Variants in DTNBP1 observed in about 807,000 individuals in gnomAD.
DTNBP1 encodes dysbindin.
Under a neutral mutation model 42.8 loss-of-function variants are expected in DTNBP1, and 35 were observed. The observed-to-expected ratio is 0.82, with a 90% CI of 0.63 to 1.09. The LOEUF is 1.09. DTNBP1 is among the 50% of genes least tolerant of loss of function. The pLI, the probability that DTNBP1 is intolerant of heterozygous loss-of-function variation, is 0.00. For synonymous variants in DTNBP1, 171 were observed against 162.2 expected (o/e 1.05, Z -0.41); for missense variants, 457 against 424.2 (o/e 1.08, Z -0.68).
rs541173885 is a variant in DTNBP1 at position 15,587,242 on chromosome 6, T to C, written c.511+5817A>G. On this transcript the variant is annotated intron_variant, in intron 7 of 9. Coordinates refer to ENST00000344537, the MANE Select transcript of DTNBP1 (RefSeq NM_032122.5). This position sits in a 1 kb window ranked among gnomAD's most constrained non-coding sequence, Gnocchi z 4.1. ...AAACAACAAAACTGCTTAGAAAAAC[T>C]GAAGATGGCTTAAACAAACATGGAT... Among the ~76,000 whole-genome samples, 1 of 152,312 alleles carries C rather than the reference T, an allele frequency of 6.6e-6. No individual in the cohort carries two copies. The highest frequency in any genetic ancestry group is 2.1e-4 in the South Asian group (1 of 4,828).
At chr6:15,597,243 G>C (rs1007771832) in intron 6 of DTNBP1, among the ~76,000 whole-genome samples, 3 of 152,152 alleles carry the variant, frequency 2.0e-5, no homozygotes, top group African/African-American at 7.2e-5. Context: ...ACATGCTGAG[G>C]ATTCTCTAGG....
At position 15,615,354 on chromosome 6, in the gene DTNBP1, T is replaced by A. The variant is rs985882739; in HGVS notation, c.401A>T (p.His134Leu). 7.4e-6 allele frequency: 12 copies of A among 1,614,032 alleles called. No individual in the cohort carries two copies. Among genetic ancestry groups the A allele is most frequent in the African/African-American group, 2.7e-5 (2 of 74,920 alleles). The change falls in exon 6 of 10, where the codon CAT becomes CTT. Residue 134 changes from histidine (H) to leucine (L), a missense_variant. Transcript: ENST00000344537. ...SFEEVENNLL[H>L]LEDLCGQCEL... ...ACACTGCCCACATAAGTCTTCCAGA[T>A]GCAGCAGGTTGTTCTCTACCTCCTC... is the stretch of plus-strand genomic sequence containing the variant.
At chr6:15,554,940 G>C (rs945005493) in intron 7 of DTNBP1, among the ~76,000 whole-genome samples, 2 of 152,024 alleles carry the variant, frequency 1.3e-5, no homozygotes. Context: ...GAGAAGCAGT[G>C]TCTGGTGGTT....
chr6:15,566,292 G>A (rs1182309834), intron 7 of DTNBP1, among the ~76,000 whole-genome samples: 2 of 146,078 alleles, frequency 1.4e-5, no homozygotes, highest in Non-Finnish European at 3.0e-5. Flanking sequence ...TCCAGCCTGG[G>A]CGACAGAGCG....
intron 5 of DTNBP1, 121 bp downstream of exon 5, chr6:15,627,222 T>G (rs1759397743): frequency 1.5e-6 from 2 of 1,300,612 alleles, no homozygotes; most frequent in African/African-American, 1.5e-5. Flanking sequence ...ATCATGATTT[T>G]CCAAAAAATC....
In DTNBP1 at chr6:15,627,472, C is replaced by CA; in HGVS notation, c.225_226insT (p.Val76CysfsTer3). The CA allele has an allele frequency of 2.5e-6, 4 of 1,613,860 alleles. No individual in the cohort carries two copies. Among genetic ancestry groups the CA allele is most frequent in the Non-Finnish European group, 2.5e-6 (3 of 1,179,920 alleles). On this transcript the variant is annotated frameshift_variant, in exon 5 of 10. Transcript: ENST00000344537. LOFTEE classifies it high-confidence loss of function. ...GAAAGCATGACCACCTCGCTATCCACCAGCTGCAGCACACAAGAAGGGGGG... is the reference window on the plus strand; with the variant it reads ...GAAAGCATGACCACCTCGCTATCCACACAGCTGCAGCACACAAGAAGGGGGG...
At chr6:15,523,613 A>C (rs1772097250) in intron 9 of DTNBP1, 1 of 1,288,056 alleles carries the variant, frequency 7.8e-7, no homozygotes, top group Admixed American at 2.3e-5. Flanking sequence ...ACTGCTGAGA[A>C]AGTCGGAATT....
chr6:15,615,214 T>C, intron 6 of DTNBP1, 53 bp downstream of exon 6: 2 of 1,612,580 alleles, frequency 1.2e-6, no homozygotes, highest in South Asian at 1.1e-5. Flanking sequence ...TGTAAAGTAA[T>C]ATGGAAAACT....
At chr6:15,646,937 C>A (rs188456955) in intron 3 of DTNBP1, among the ~76,000 whole-genome samples, 4 of 151,916 alleles carry the variant, frequency 2.6e-5, no homozygotes, top group African/African-American at 9.6e-5. Context: ...GAAAAAAACC[C>A]TTTTGGGCAC....
In DTNBP1 at chr6:15,646,796, G is replaced by A. The variant is rs567566140; in HGVS notation, c.161+4517C>T. On this transcript the variant is annotated intron_variant, in intron 3 of 9. Coordinates refer to ENST00000344537, the MANE Select transcript of DTNBP1 (RefSeq NM_032122.5). ...GGACACCCTATTCAATAAATGGTGC[G>A]AGGAAAACTGGCTAGCCATTTATGG... Among the ~76,000 whole-genome samples, 3 of 151,934 alleles carry A rather than the reference G, an allele frequency of 2.0e-5. No homozygotes were observed. The South Asian group carries it at 6.2e-4, about 32-fold the overall frequency.
chr6:15,613,817 T>C lies in DTNBP1; in HGVS notation c.488+1450A>G, dbSNP rs538455796. 2.0e-5 allele frequency among the ~76,000 whole-genome samples: 3 copies of C among 150,158 alleles called. No individual in the cohort carries two copies. In the South Asian group the frequency reaches 6.3e-4, roughly 31 times the overall value. On this transcript the variant is annotated intron_variant, in intron 6 of 9. Coordinates refer to ENST00000344537, the MANE Select transcript of DTNBP1 (RefSeq NM_032122.5). The stretch of plus-strand genomic sequence containing the variant: ...CTCCCTGGAGCTCTTCTGAAGCTCT[T>C]CCATTTACAGCCTGCACACAACCCA...
chr6:15,614,671 A>G (rs913614931), intron 6 of DTNBP1, among the ~76,000 whole-genome samples: 1 of 152,192 alleles, frequency 6.6e-6, no homozygotes, highest in Non-Finnish European at 1.5e-5. Context: ...TGGCCTAGTG[A>G]TAACAGCCAT....
chr6:15,637,009 T>C (rs1244599206), intron 4 of DTNBP1, among the ~76,000 whole-genome samples: 1 of 152,216 alleles, frequency 6.6e-6, no homozygotes, highest in African/African-American at 2.4e-5. Context: ...TTCTTATCAG[T>C]AAGTTCTAAG....
At chr6:15,560,686 T>G (rs1774795175) in intron 7 of DTNBP1, among the ~76,000 whole-genome samples, 2 of 152,196 alleles carry the variant, frequency 1.3e-5, no homozygotes, top group East Asian at 3.9e-4. Flanking sequence ...GTCTACACAG[T>G]CCCTGCATAG....
intron 7 of DTNBP1, among the ~76,000 whole-genome samples, chr6:15,537,274 T>A (rs535896565): frequency 2.1e-4 from 32 of 151,750 alleles, no homozygotes; most frequent in Admixed American, 5.9e-4. Context: ...CAAAAAAAAA[T>A]TAGCTGGGCA....
At chr6:15,649,791 G>A (rs960759741) in intron 3 of DTNBP1, among the ~76,000 whole-genome samples, 11 of 152,138 alleles carry the variant, frequency 7.2e-5, no homozygotes, top group African/African-American at 2.7e-4. Flanking sequence ...TCTTACGGAT[G>A]TAAATTTTCT....
At chr6:15,539,248 T>C (rs190031757) in intron 7 of DTNBP1, among the ~76,000 whole-genome samples, 64 of 152,380 alleles carry the variant, frequency 4.2e-4, no homozygotes, top group Middle Eastern at 3.4e-3. Context: ...GTATTTCCTC[T>C]GTGCATTCTG....
rs201020144 is a variant in DTNBP1, at chr6:15,523,046, C to A, written c.985G>T (p.Asp329Tyr). The change falls in exon 10 of 10, where the codon GAC (aspartate) becomes TAC (tyrosine). Residue 329 changes from aspartate to tyrosine, a missense_variant. Transcript: ENST00000344537. ...GTGTGTGATGTGGCCAGGGCAGTGT[C>A]CACCTGAACTTCCTCCTCATCGGAC... ...VQSDEEEVQV[D>Y]TALATSHTDR... 1.3e-5 allele frequency: 21 copies of A among 1,614,204 alleles called. No individual in the cohort carries two copies. In the East Asian group the frequency reaches 4.7e-4, roughly 36 times the overall value.
intron 5 of DTNBP1, among the ~76,000 whole-genome samples, chr6:15,615,655 A>G (rs1338196775): frequency 6.6e-6 from 1 of 152,244 alleles, no homozygotes; most frequent in Non-Finnish European, 1.5e-5. Flanking sequence ...GAAGACAAAG[A>G]AATGGAGAAA....
Sources: gnomAD v4.1 joint callset for allele counts (sites outside exome capture counted in the v4.1 genomes callset) on GRCh38, gnomAD v4.1.1 for gene constraint, Gnocchi (gnomAD v3.1) non-coding constraint, MANE v1.5 for transcripts, NCBI Gene and HGNC (gene_info 2026-07-23, HGNC 2026-07-21) for gene names.